Variants in GABRG3 observed in about 807,000 individuals in gnomAD.
The protein encoded by GABRG3 is gamma-aminobutyric acid type A receptor subunit gamma3.
Under a neutral mutation model 48.8 loss-of-function variants are expected in GABRG3, and 25 were observed. The ratio of observed to expected loss-of-function variants is 0.51; its 90% CI spans 0.37 to 0.72. The LOEUF (loss-of-function observed/expected upper bound fraction) is 0.72, where lower values mean the gene tolerates loss of function less well. Among genes scored for constraint, GABRG3 ranks in the 30% least tolerant of loss-of-function variants. The probability of loss-of-function intolerance (pLI) is 0.00; values close to 1 mark genes in which losing one functional copy is unlikely to be tolerated. For synonymous variants in GABRG3, 227 were observed against 217.6 expected (o/e 1.04, Z -0.38); for missense variants, 394 against 577.9 (o/e 0.68, Z 3.26).
chr15:27,125,275 T>C (rs1566941526), intron 3 of GABRG3, among the ~76,000 whole-genome samples: 1 of 152,024 alleles, frequency 6.6e-6, no homozygotes, highest in African/African-American at 2.4e-5. Flanking sequence ...GTCTCACTTA[T>C]ATGTGGGAGC....
chr15:27,141,615 G>A (rs1898104369), intron 3 of GABRG3, among the ~76,000 whole-genome samples: 1 of 152,322 alleles, frequency 6.6e-6, no homozygotes, highest in South Asian at 2.1e-4. Flanking sequence ...ATGGCTTGGT[G>A]TCACTCTAGG....
intron 3 of GABRG3, among the ~76,000 whole-genome samples, chr15:27,110,800 G>A (rs537253781): frequency 2.4e-4 from 36 of 152,014 alleles, no homozygotes; most frequent in Non-Finnish European, 4.0e-4. Context: ...CAACCCATCC[G>A]TGGCTTCTAT....
At chr15:27,308,492 A>G (rs184243299) in intron 3 of GABRG3, among the ~76,000 whole-genome samples, 68 of 148,082 alleles carry the variant, frequency 4.6e-4, no homozygotes, top group African/African-American at 1.5e-3. Context: ...ATGTAAACAT[A>G]CATGTTTTAT....
At chr15:27,060,581 A>C (rs1566923632) in intron 3 of GABRG3, among the ~76,000 whole-genome samples, 1 of 152,236 alleles carries the variant, frequency 6.6e-6, no homozygotes, top group Non-Finnish European at 1.5e-5. Flanking sequence ...TGATGGAATC[A>C]TTCTGTGTGA....
intron 3 of GABRG3, among the ~76,000 whole-genome samples, chr15:27,143,526 T>C (rs904396393): frequency 6.6e-6 from 1 of 152,338 alleles, no homozygotes; most frequent in Non-Finnish European, 1.5e-5. Context: ...GAATCTTTCA[T>C]GCTAGCAGAG....
chr15:27,380,256 T>C (rs1433710472), intron 5 of GABRG3, among the ~76,000 whole-genome samples: 1 of 152,196 alleles, frequency 6.6e-6, no homozygotes, highest in Non-Finnish European at 1.5e-5. Flanking sequence ...TTACCTGGTT[T>C]CTGTTTGCAT....
chr15:27,304,851 A>C (rs2140495665), intron 3 of GABRG3, among the ~76,000 whole-genome samples: 1 of 152,098 alleles, frequency 6.6e-6, no homozygotes, highest in Admixed American at 6.6e-5. Flanking sequence ...GTCTACCACA[A>C]GTTGAAAGAG....
At chr15:27,270,053 T>C (rs1224802970) in intron 3 of GABRG3, among the ~76,000 whole-genome samples, 2 of 152,160 alleles carry the variant, frequency 1.3e-5, no homozygotes, top group African/African-American at 4.8e-5. Flanking sequence ...TTCAAAGAAA[T>C]TCAAGTCCAT....
intron 2 of GABRG3, among the ~76,000 whole-genome samples, chr15:26,978,793 AGC>A (rs1894998503): frequency 6.6e-6 from 1 of 152,230 alleles, no homozygotes; most frequent in South Asian, 2.1e-4. Context: ...TTTCAACATT[AGC>A]TCATCTTAAC....
Position 26,987,932 on chromosome 15 carries a change from G to C in GABRG3, c.202+10782G>C, listed in dbSNP as rs529706018. Among the ~76,000 whole-genome samples, 6 of 152,210 alleles carry C rather than the reference G, an allele frequency of 3.9e-5. No homozygotes were observed. In the East Asian group the frequency reaches 1.2e-3, roughly 29 times the overall value. ...TCTTCTTTGACCAATGTAGTATTTAGTGTGGTATTTATTTTTCAAATATTT... is the reference window on the plus strand; with the variant it reads ...TCTTCTTTGACCAATGTAGTATTTACTGTGGTATTTATTTTTCAAATATTT... On this transcript the variant is annotated intron_variant, in intron 2 of 9. Transcript: ENST00000615808.
At chr15:27,316,748 G>A (rs1425188317) in intron 3 of GABRG3, among the ~76,000 whole-genome samples, 1 of 152,168 alleles carries the variant, frequency 6.6e-6, no homozygotes, top group African/African-American at 2.4e-5. Context: ...CTATGGCTGT[G>A]AAACTGAGAG....
At chr15:27,399,345 T>C (rs927119913) in intron 5 of GABRG3, among the ~76,000 whole-genome samples, 1 of 152,308 alleles carries the variant, frequency 6.6e-6, no homozygotes, top group Admixed American at 6.5e-5. Flanking sequence ...CTGTGGTTGC[T>C]GCAGAAATGA....
intron 3 of GABRG3, among the ~76,000 whole-genome samples, chr15:27,293,874 C>T (rs866666117): frequency 1.4e-4 from 22 of 152,138 alleles, no homozygotes; most frequent in Admixed American, 5.2e-4. Context: ...AGACAGGAAT[C>T]CCTATGTCCA....
chr15:27,482,175 T>C (rs1324046886), intron 6 of GABRG3, among the ~76,000 whole-genome samples: 1 of 152,236 alleles, frequency 6.6e-6, no homozygotes, highest in Non-Finnish European at 1.5e-5. Flanking sequence ...ACTGTGGCTC[T>C]TAACGAAATT....
chr15:27,230,290 A>C (rs1173901521), intron 3 of GABRG3, among the ~76,000 whole-genome samples: 1 of 152,216 alleles, frequency 6.6e-6, no homozygotes, highest in African/African-American at 2.4e-5. Context: ...TAATCACCTG[A>C]ACTTGATCTA....
intron 5 of GABRG3, among the ~76,000 whole-genome samples, chr15:27,330,192 A>G (rs1046167058): frequency 2.2e-4 from 34 of 152,182 alleles, no homozygotes; most frequent in African/African-American, 6.0e-4. Flanking sequence ...GTGAGTTGAG[A>G]TCGCACCACT....
chr15:27,089,482 T>C (rs548036118), intron 3 of GABRG3, among the ~76,000 whole-genome samples: 2 of 152,238 alleles, frequency 1.3e-5, no homozygotes, highest in South Asian at 4.2e-4. Flanking sequence ...CAGGTGACTC[T>C]AGGGTACATC....
chr15:27,268,205 A>T (rs1207167260), intron 3 of GABRG3, among the ~76,000 whole-genome samples: 1 of 152,188 alleles, frequency 6.6e-6, no homozygotes, highest in East Asian at 1.9e-4. Flanking sequence ...CTGAAATTTC[A>T]ATTTTAACAT....
At chr15:27,330,244 TATAA>T (rs111964309) in intron 5 of GABRG3, among the ~76,000 whole-genome samples, 111 of 152,016 alleles carry the variant, frequency 7.3e-4, no homozygotes, top group African/African-American at 2.3e-3. Context: ...TGTCTCAAAA[TATAA>T]ATAAATAAAT....
Sources: gnomAD v4.1 joint callset for allele counts (sites outside exome capture counted in the v4.1 genomes callset) on GRCh38, gnomAD v4.1.1 for gene constraint, MANE v1.5 for transcripts, NCBI Gene and HGNC (gene_info 2026-07-23, HGNC 2026-07-21) for gene names.